The following ADARB2 variants were observed in gnomAD, a reference collection of about 807,000 sequenced individuals.
ADARB2 encodes the protein adenosine deaminase RNA specific B2 (inactive).
ADARB2 carries 25 observed loss-of-function variants against 62.2 expected under a neutral mutation model. The observed-to-expected ratio is 0.40, with a 90% CI of 0.29 to 0.56. ADARB2 has a LOEUF of 0.56. Among genes scored for constraint, ADARB2 ranks in the 20% least tolerant of loss-of-function variants. The pLI is 0.43. For synonymous variants in ADARB2, 572 were observed against 500.8 expected (o/e 1.14, Z -1.90); for missense variants, 1,071 against 1,077.4 (o/e 0.99, Z 0.08).
At chr10:1,357,413 A>G (rs995473507) in intron 3 of ADARB2, among the ~76,000 whole-genome samples, 1 of 151,794 alleles carries the variant, frequency 6.6e-6, no homozygotes, top group African/African-American at 2.4e-5. Context: ...TTCCCACGGG[A>G]CCCTCCTGTC....
chr10:1,402,922 G>T (rs1342827763), intron 1 of ADARB2, among the ~76,000 whole-genome samples: 3 of 152,208 alleles, frequency 2.0e-5, no homozygotes, highest in African/African-American at 7.2e-5. Flanking sequence ...AGTGGAACTG[G>T]GCCGGCTCCT....
chr10:1,692,352 G>C (rs1834684868), intron 1 of ADARB2, among the ~76,000 whole-genome samples: 1 of 152,188 alleles, frequency 6.6e-6, no homozygotes, highest in South Asian at 2.1e-4. Flanking sequence ...TGGTTTGAAG[G>C]GGATTCAGAC....
chr10:1,659,021 G>A (rs1834210068), intron 1 of ADARB2, among the ~76,000 whole-genome samples: 1 of 152,198 alleles, frequency 6.6e-6, no homozygotes, highest in Non-Finnish European at 1.5e-5. Context: ...ACTACGGAGA[G>A]TATGACATGT....
chr10:1,652,197 G>T (rs957153369), intron 1 of ADARB2, among the ~76,000 whole-genome samples: 1 of 152,148 alleles, frequency 6.6e-6, no homozygotes, highest in Non-Finnish European at 1.5e-5. Context: ...GCCACCTCAC[G>T]CCCTGCAGCA....
In ADARB2 at chr10:1,247,266, C is replaced by T. The variant is rs544309754; in HGVS notation, c.1193-4967G>A. Among the ~76,000 whole-genome samples, 85 of 152,304 alleles carry T rather than the reference C, an allele frequency of 5.6e-4. 1 individual carries two copies. Among genetic ancestry groups the T allele is most frequent in the Non-Finnish European group, 9.6e-4 (65 of 68,030 alleles). Reference sequence around the variant, plus strand: ...GGGTTTTCTAGATATACAATCATGTCATCTGCAAACAGAGACAATTTGACT... The same window carrying T: ...GGGTTTTCTAGATATACAATCATGTTATCTGCAAACAGAGACAATTTGACT... On this transcript the variant is annotated intron_variant, in intron 4 of 9. Transcript: ENST00000381312.
At chr10:1,476,237 G>A (rs1831398521) in intron 1 of ADARB2, among the ~76,000 whole-genome samples, 4 of 152,208 alleles carry the variant, frequency 2.6e-5, no homozygotes, top group African/African-American at 9.7e-5. Context: ...GAAGGAGCCT[G>A]GAGTGGAGCC....
At chr10:1,688,962 T>A (rs1834634137) in intron 1 of ADARB2, among the ~76,000 whole-genome samples, 1 of 152,236 alleles carries the variant, frequency 6.6e-6, no homozygotes, top group Non-Finnish European at 1.5e-5. Flanking sequence ...AAATAAGTCA[T>A]GTTACTTCCT....
intron 3 of ADARB2, among the ~76,000 whole-genome samples, chr10:1,304,471 CAG>C (rs1831606634): frequency 6.6e-6 from 1 of 152,118 alleles, no homozygotes; most frequent in Admixed American, 6.5e-5. Flanking sequence ...ATCAAGGAGA[CAG>C]AAAGTCAACA....
chr10:1,450,494 C>A (rs1324095161), intron 1 of ADARB2, among the ~76,000 whole-genome samples: 1 of 152,224 alleles, frequency 6.6e-6, no homozygotes, highest in East Asian at 1.9e-4. Flanking sequence ...GCCTCCTGCA[C>A]CTGCAAATGC....
chr10:1,306,251 C>T (rs1288356236), intron 3 of ADARB2, among the ~76,000 whole-genome samples: 4 of 151,798 alleles, frequency 2.6e-5, no homozygotes, highest in Admixed American at 1.3e-4. Context: ...CACAAGCATT[C>T]CTATACACCA....
chr10:1,714,291 A>G (rs970906793), intron 1 of ADARB2, among the ~76,000 whole-genome samples: 1 of 152,350 alleles, frequency 6.6e-6, no homozygotes, highest in Middle Eastern at 3.4e-3. Context: ...GAGTGTCGCT[A>G]TCTAGAACCG....
chr10:1,506,061 A>AT, intron 1 of ADARB2, among the ~76,000 whole-genome samples: 1 of 152,050 alleles, frequency 6.6e-6, no homozygotes, highest in East Asian at 1.9e-4. Context: ...CTATTATCAG[A>AT]TTTTAAGAGA....
chr10:1,364,052 G>A (rs1324673620), intron 2 of ADARB2, 135 bp from the exon 3 acceptor site: 6 of 1,246,504 alleles, frequency 4.8e-6, no homozygotes, highest in African/African-American at 1.6e-5. Context: ...AGAAATGACT[G>A]TGGCCGCCAG....
rs544687320 is a variant in ADARB2 at position 1,264,614 on chromosome 10, T to C, written c.1192+6341A>G. On this transcript the variant is annotated intron_variant, in intron 4 of 9. Coordinates refer to ENST00000381312, the MANE Select transcript of ADARB2 (RefSeq NM_018702.4). ...ATTTCTTTACCTTATGTGCTCATTT[T>C]AGGTTCAAAGCCAAGCATATGCAGC... Among the ~76,000 whole-genome samples, 3 of 152,362 alleles carry C rather than the reference T, an allele frequency of 2.0e-5. No homozygotes were observed. The East Asian group carries it at 5.8e-4, about 29-fold the overall frequency.
chr10:1,584,352 CAT>C (rs57155417), intron 1 of ADARB2, among the ~76,000 whole-genome samples: 64,133 of 151,860 alleles, frequency 0.42, 13,972 homozygotes, highest in Middle Eastern at 0.49. Context: ...CGCCCCGTAT[CAT>C]ATGTCACTAG....
intron 1 of ADARB2, among the ~76,000 whole-genome samples, chr10:1,628,469 T>C (rs2119040969): frequency 6.6e-6 from 1 of 152,362 alleles, no homozygotes; most frequent in East Asian, 1.9e-4. Context: ...AAGCCAAGAT[T>C]CTACATGAGA....
At chr10:1,661,182 T>G (rs1485997120) in intron 1 of ADARB2, among the ~76,000 whole-genome samples, 1 of 152,174 alleles carries the variant, frequency 6.6e-6, no homozygotes, top group African/African-American at 2.4e-5. Flanking sequence ...TAAACCTGTC[T>G]TTGACTGTGA....
chr10:1,410,852 T>C (rs1025783758), intron 1 of ADARB2, among the ~76,000 whole-genome samples: 2 of 152,172 alleles, frequency 1.3e-5, no homozygotes, highest in African/African-American at 4.8e-5. Flanking sequence ...GAGTGCCGCC[T>C]GATCACTTGG....
chr10:1,207,171 A>C (rs1029256100), intron 7 of ADARB2, among the ~76,000 whole-genome samples: 2 of 151,824 alleles, frequency 1.3e-5, no homozygotes, highest in Non-Finnish European at 2.9e-5. Context: ...ACGTGGCGAA[A>C]CCCTGTCTCT....
Sources: allele counts gnomAD v4.1 joint callset (sites outside exome capture counted in the v4.1 genomes callset), GRCh38; gene constraint gnomAD v4.1.1; transcripts MANE v1.5; gene names NCBI Gene and HGNC (gene_info 2026-07-23, HGNC 2026-07-21).